SYNPO2: variants seen among roughly 807,000 people sequenced by gnomAD.
SYNPO2 encodes the protein synaptopodin 2.
Under a neutral mutation model 85.0 loss-of-function variants are expected in SYNPO2, and 56 were observed. The ratio of observed to expected loss-of-function variants is 0.66; its 90% CI spans 0.53 to 0.82. The LOEUF is 0.82. Ranked by LOEUF, SYNPO2 falls within the 40% of genes least tolerant of loss-of-function variation. The pLI is 0.00. For missense variants in SYNPO2, 1,575 were observed against 1,534.2 expected (o/e 1.03, Z -0.44); for synonymous variants, 602 against 591.1 (o/e 1.02, Z -0.27).
intron 1 of SYNPO2, among the ~76,000 whole-genome samples, chr4:118,899,503 T>C (rs2389692): frequency 0.4 from 61,460 of 151,998 alleles, 12,758 homozygotes; most frequent in South Asian, 0.56. Context: ...CTAGTGAAAC[T>C]TTATTTCAGT....
chr4:118,892,189 G>A (rs1311687825), intron 1 of SYNPO2, among the ~76,000 whole-genome samples: 22 of 151,996 alleles, frequency 1.4e-4, no homozygotes, highest in Admixed American at 1.4e-3. Flanking sequence ...TAAATAACAG[G>A]AATATTCATT....
At chr4:118,989,171 C>T (rs1363285489) in intron 1 of SYNPO2, among the ~76,000 whole-genome samples, 2 of 152,166 alleles carry the variant, frequency 1.3e-5, no homozygotes, top group African/African-American at 4.8e-5. Context: ...GTTCCGGCTG[C>T]ACTCAGCTGC....
chr4:118,911,418 T>C (rs1733132123), intron 1 of SYNPO2, among the ~76,000 whole-genome samples: 1 of 152,208 alleles, frequency 6.6e-6, no homozygotes, highest in Admixed American at 6.5e-5. Context: ...ATTAATTCAA[T>C]CTTTGCTTTC....
At chr4:118,936,227 A>G (rs1734094989) in intron 1 of SYNPO2, among the ~76,000 whole-genome samples, 1 of 152,168 alleles carries the variant, frequency 6.6e-6, no homozygotes, top group South Asian at 2.1e-4. Context: ...AGGTTTGTTT[A>G]AGAACACTCT....
rs771131778 is a variant in SYNPO2, at chr4:119,031,272, G to A, written c.2497G>A (p.Ala833Thr). 1 of 1,614,170 alleles carries A rather than the reference G, an allele frequency of 6.2e-7. No individual in the cohort carries two copies. Among genetic ancestry groups the A allele is most frequent in the East Asian group, 2.2e-5 (1 of 44,878 alleles). Residue 833 changes from alanine to threonine, a missense_variant, in exon 4 of 5, where the codon GCA becomes ACA. Physicochemically the swap from Ala to Thr is moderately conservative, Grantham distance 58. This residue lies in a region of SYNPO2 where 1,508 missense variants were observed against 1,446.8 expected (regional missense o/e 1.04). Coordinates refer to ENST00000307142, the MANE Select transcript of SYNPO2 (RefSeq NM_133477.3). ...GGCTGGTCCCTTCAAAGGACCACAA[G>A]CAGCAGTAGCCAGTCAGAATTACAC... ...NVAGPFKGPQ[A>T]AVASQNYTPK...
chr4:118,858,929 C>G (rs1435406861), intron 1 of SYNPO2, among the ~76,000 whole-genome samples: 2 of 152,166 alleles, frequency 1.3e-5, no homozygotes, highest in South Asian at 2.1e-4. Flanking sequence ...ATCCTGCCCC[C>G]ACATCATAAC....
chr4:119,056,055 G>A (rs1197927055), intron 4 of SYNPO2, among the ~76,000 whole-genome samples: 1 of 152,170 alleles, frequency 6.6e-6, no homozygotes, highest in Non-Finnish European at 1.5e-5. Flanking sequence ...TTTTTTGTTA[G>A]GAAACAGGAT....
intron 1 of SYNPO2, among the ~76,000 whole-genome samples, chr4:118,996,039 C>T (rs1736580786): frequency 1.3e-5 from 2 of 152,172 alleles, no homozygotes; most frequent in South Asian, 4.1e-4. Flanking sequence ...GCTCCTATCA[C>T]CTACAATGGA....
intron 4 of SYNPO2, among the ~76,000 whole-genome samples, chr4:119,048,397 G>A (rs1738936390): frequency 6.6e-6 from 1 of 152,150 alleles, no homozygotes; most frequent in South Asian, 2.1e-4. Flanking sequence ...CTACTATTCT[G>A]GTGCCAAGTA....
intron 1 of SYNPO2, among the ~76,000 whole-genome samples, chr4:118,882,989 C>A (rs558905747): frequency 6.6e-6 from 1 of 151,782 alleles, no homozygotes; most frequent in Admixed American, 6.6e-5. Context: ...TCTCGATCTC[C>A]TGACCTCGTG....
intron 1 of SYNPO2, among the ~76,000 whole-genome samples, chr4:118,937,698 T>A (rs1734155501): frequency 1.3e-5 from 2 of 152,120 alleles, no homozygotes; most frequent in Non-Finnish European, 2.9e-5. Flanking sequence ...ATATAACTTT[T>A]AAAAAAAGAT....
At chr4:118,915,229 C>A (rs1232786678) in intron 1 of SYNPO2, among the ~76,000 whole-genome samples, 2 of 151,994 alleles carry the variant, frequency 1.3e-5, no homozygotes, top group Non-Finnish European at 2.9e-5. Flanking sequence ...TACCAACTCC[C>A]CAAACAAAAA....
intron 1 of SYNPO2, among the ~76,000 whole-genome samples, chr4:119,018,706 G>A (rs1560985350): frequency 6.6e-6 from 1 of 152,064 alleles, no homozygotes; most frequent in Admixed American, 6.6e-5. Context: ...TGGTTGATGG[G>A]TACAAAAATA....
chr4:118,887,138 G>T (rs182107717), upstream of SYNPO2, among the ~76,000 whole-genome samples: 8 of 151,542 alleles, frequency 5.3e-5, no homozygotes, highest in Admixed American at 5.3e-4. Context: ...AGATGAACTG[G>T]CATGTCTAAA....
intron 1 of SYNPO2, among the ~76,000 whole-genome samples, chr4:118,890,723 CTCTCTCTCTCTGTG>C (rs1188971822): frequency 6.2e-5 from 9 of 145,486 alleles, no homozygotes; most frequent in African/African-American, 2.3e-4. Context: ...CTCTCTCTCT[CTCTCTCTCTCTGTG>C]TGTGTGTGTG....
intron 4 of SYNPO2, among the ~76,000 whole-genome samples, chr4:119,048,319 CCACATTTT>C (rs1738933549): frequency 6.6e-6 from 1 of 152,122 alleles, no homozygotes; most frequent in African/African-American, 2.4e-5. Context: ...GTGAAGATAA[CCACATTTT>C]CAGTTTATGA....
chr4:118,867,399 GA>G (rs1400769931), intron 1 of SYNPO2, among the ~76,000 whole-genome samples: 1 of 151,794 alleles, frequency 6.6e-6, no homozygotes, highest in Non-Finnish European at 1.5e-5. Context: ...TGTGGTTAAA[GA>G]ATAATGCCAA....
chr4:119,005,937 C>T (rs1413537593), intron 1 of SYNPO2: 1 of 152,146 alleles, frequency 6.6e-6, no homozygotes, highest in East Asian at 1.9e-4. Context: ...TTACATTCTA[C>T]AAAGATGATA....
Position 119,030,437 on chromosome 4 carries a change from C to T in SYNPO2, c.1662C>T (p.Tyr554=), listed in dbSNP as rs763941820. 6.2e-7 allele frequency: 1 copy of T among 1,614,054 alleles called. No homozygotes were observed. Among genetic ancestry groups the T allele is most frequent in the African/African-American group, 1.3e-5 (1 of 74,906 alleles). Residue 554 remains tyrosine, a synonymous_variant, in exon 4 of 5, where the codon TAC becomes TAT. Coordinates refer to ENST00000307142, the MANE Select transcript of SYNPO2 (RefSeq NM_133477.3). ...VRTQSSVSKS[Y]IEVSHGLGHV... ...CGCAGAGCTCTGTGAGCAAAAGCTA[C>T]ATCGAGGTGAGTCATGGTCTTGGCC...
Sources: allele counts gnomAD v4.1 joint callset (sites outside exome capture counted in the v4.1 genomes callset), GRCh38; gene constraint gnomAD v4.1.1; regional missense constraint gnomAD v4.1.1; transcripts MANE v1.5; gene names NCBI Gene and HGNC (gene_info 2026-07-23, HGNC 2026-07-21).